The following FNDC1 variants were observed in gnomAD, a reference collection of about 807,000 sequenced individuals.
The protein encoded by FNDC1 is fibronectin type III domain containing 1.
In FNDC1, 96 loss-of-function variants were observed where a neutral mutation model predicts 168.0. The observed-to-expected ratio is 0.57, with a 90% CI of 0.48 to 0.68. The LOEUF is 0.68. Among genes scored for constraint, FNDC1 ranks in the 30% least tolerant of loss-of-function variants. FNDC1 has a pLI of 0.00. For missense variants in FNDC1, 2,587 were observed against 2,482.1 expected (o/e 1.04, Z -0.90); for synonymous variants, 1,099 against 1,025.9 (o/e 1.07, Z -1.36).
At chr6:159,212,039 G>A (rs370111777) in intron 4 of FNDC1, among the ~76,000 whole-genome samples, 8 of 152,192 alleles carry the variant, frequency 5.3e-5, no homozygotes, top group African/African-American at 1.7e-4. Context: ...GCACAAATCC[G>A]GAGAAATACT....
intron 5 of FNDC1, among the ~76,000 whole-genome samples, chr6:159,220,706 G>A (rs427072): frequency 0.46 from 70,340 of 152,084 alleles, 17,801 homozygotes; most frequent in African/African-American, 0.66. Context: ...TTTTCTTCAA[G>A]TGCAATGGCC....
In FNDC1 at chr6:159,197,679, C is replaced by T; in HGVS notation, c.304+54C>T. The T allele has an allele frequency of 2.0e-6, 3 of 1,485,254 alleles. No homozygotes were observed. In the Middle Eastern group the frequency reaches 6.5e-4, roughly 323 times the overall value. The allele number at this position is 1,485,254 out of a possible 1,614,324, so 92.0% of individuals were successfully genotyped here. Reference sequence around the variant, plus strand: ...TCAGAATTAACTGTGCACCAACATTCTCAGTTGCATTCTTAGGATGACTGT... The same window carrying T: ...TCAGAATTAACTGTGCACCAACATTTTCAGTTGCATTCTTAGGATGACTGT... On this transcript the variant is annotated intron_variant, in intron 2 of 22. Coordinates refer to ENST00000297267, the MANE Select transcript of FNDC1 (RefSeq NM_032532.3).
intron 2 of FNDC1, among the ~76,000 whole-genome samples, chr6:159,199,665 T>C (rs1265358030): frequency 6.6e-6 from 1 of 152,198 alleles, no homozygotes; most frequent in African/African-American, 2.4e-5. Context: ...GGACAAGGAG[T>C]TCCTGTTTCC....
At chr6:159,234,568 C>T in intron 11 of FNDC1, 89 bp downstream of exon 11, 1 of 1,193,638 alleles carries the variant, frequency 8.4e-7, no homozygotes, top group Non-Finnish European at 1.2e-6. Flanking sequence ...TTGCATTTAG[C>T]ACCTACTATG....
At position 159,256,545 on chromosome 6, in the gene FNDC1, C is replaced by A; in HGVS notation, c.5088C>A (p.Ser1696=). 6.2e-7 allele frequency: 1 copy of A among 1,613,594 alleles called. No individual in the cohort carries two copies. The highest frequency in any genetic ancestry group is 8.5e-7 in the Non-Finnish European group (1 of 1,179,610). ...CAGGTTACTTGGTTTACAGTGCATC[C>A]TATGAAGACTTCATCAGGAACAAGT... ...VVTGYLVYSA[S]YEDFIRNKWS... The change falls in exon 18 of 23, where the codon TCC becomes TCA. Residue 1696 remains serine (S), a synonymous_variant. Transcript: ENST00000297267.
chr6:159,189,071 G>T (rs545972281), intron 1 of FNDC1, among the ~76,000 whole-genome samples: 47 of 152,268 alleles, frequency 3.1e-4, no homozygotes, highest in Non-Finnish European at 5.1e-4. Flanking sequence ...TTTCATAGAA[G>T]ATCTTGATTA....
chr6:159,223,231 C>T (rs947501496), intron 6 of FNDC1, among the ~76,000 whole-genome samples: 2 of 152,152 alleles, frequency 1.3e-5, no homozygotes, highest in Middle Eastern at 3.4e-3. Context: ...CTCCTGACCT[C>T]GTGATCTGCC....
chr6:159,246,772 C>A (rs190048856), intron 14 of FNDC1, 129 bp from the exon 15 acceptor site: 4 of 647,490 alleles, frequency 6.2e-6, no homozygotes, highest in East Asian at 5.2e-5. Context: ...ATTATGGAGA[C>A]CCTGGCCTTG....
intron 1 of FNDC1, among the ~76,000 whole-genome samples, chr6:159,183,844 T>C (rs1781935258): frequency 6.6e-6 from 1 of 152,214 alleles, no homozygotes; most frequent in Non-Finnish European, 1.5e-5. Flanking sequence ...CAGCATGAAA[T>C]CTTGCGTTCA....
In FNDC1 at chr6:159,225,764, T is replaced by C. The variant is rs779340463; in HGVS notation, c.1072+42T>C. 2.0e-6 allele frequency: 3 copies of C among 1,500,036 alleles called. No individual in the cohort carries two copies. The South Asian group carries it at 3.9e-5, about 19-fold the overall frequency. The allele number at this position is 1,500,036 out of a possible 1,614,324, so 92.9% of individuals were successfully genotyped here. On this transcript the variant is annotated intron_variant, in intron 8 of 22. Coordinates refer to ENST00000297267, the MANE Select transcript of FNDC1 (RefSeq NM_032532.3). The stretch of plus-strand genomic sequence containing the variant: ...GCCTTTGAATTTTCAATTTGGGAAT[T>C]ACACCCAAAATAAGATTTAAAGACA...
rs769951961 is a variant in FNDC1, at chr6:159,232,123, G to C, written c.1611G>C (p.Ser537=). Residue 537 remains serine, a synonymous_variant, in exon 11 of 23, where the codon TCG becomes TCC. Coordinates refer to ENST00000297267, the MANE Select transcript of FNDC1 (RefSeq NM_032532.3). This position sits in a 1 kb window ranked among gnomAD's most constrained non-coding sequence, Gnocchi z 4.9. The part of the protein sequence containing the change: ...AKKAEELDLQ[S]TEITGEEELG... ...AGGCAGAGGAGCTGGATCTTCAGTC[G>C]ACAGAAATCACTGGGGAGGAGGAGC... 3.1e-6 allele frequency: 5 copies of C among 1,613,764 alleles called. No individual in the cohort carries two copies. In the Admixed American group the frequency reaches 8.3e-5, roughly 27 times the overall value.
At chr6:159,241,183 T>A (rs1783412721) in intron 14 of FNDC1, 1 of 152,260 alleles carries the variant, frequency 6.6e-6, no homozygotes, top group Admixed American at 6.5e-5. Context: ...AATTTACCTT[T>A]GAATTTCTAG....
chr6:159,256,451 C>A, intron 17 of FNDC1, 72 bp from the exon 18 acceptor site: 1 of 1,134,122 alleles, frequency 8.8e-7, no homozygotes, highest in Non-Finnish European at 1.3e-6. Flanking sequence ...CACACCTGTC[C>A]TCAGTGGGTT....
chr6:159,233,673 A>G lies in FNDC1; in HGVS notation c.3161A>G (p.Asp1054Gly), dbSNP rs1783163669. 5.2e-6 allele frequency: 8 copies of G among 1,549,738 alleles called. No individual in the cohort carries two copies. The highest frequency in any genetic ancestry group is 7.0e-6 in the Non-Finnish European group (8 of 1,147,732). Residue 1054 changes from aspartate (D) to glycine (G), a missense_variant, in exon 11 of 23, where the codon GAC becomes GGC. Physicochemically the swap from Asp to Gly is moderately conservative, Grantham distance 94. Coordinates refer to ENST00000297267, the MANE Select transcript of FNDC1 (RefSeq NM_032532.3). The surrounding 1 kb of genome is among the most constrained non-coding windows in gnomAD (Gnocchi z 4.6). Reference sequence around the variant, plus strand: ...CAGGGCCGCTCCCACTCCTCCTCGGACCCTTACACGGCGAGCTCCAGAGGG... The same window carrying G: ...CAGGGCCGCTCCCACTCCTCCTCGGGCCCTTACACGGCGAGCTCCAGAGGG... Reference protein sequence around the residue: ...TSQGRSHSSSDPYTASSRGML... With the variant: ...TSQGRSHSSSGPYTASSRGML...
chr6:159,225,395 CA>C (rs1782931215), intron 7 of FNDC1, 139 bp from the exon 8 acceptor site: 1 of 666,082 alleles, frequency 1.5e-6, no homozygotes, highest in African/African-American at 1.8e-5. Context: ...ATAACATAGT[CA>C]AAAGTTTAGA....
At chr6:159,254,867 A>G (rs1404802900) in intron 17 of FNDC1, among the ~76,000 whole-genome samples, 2 of 151,890 alleles carry the variant, frequency 1.3e-5, no homozygotes, top group African/African-American at 2.4e-5. Flanking sequence ...GTCTCCTTCT[A>G]TCTCACTTCT....
chr6:159,263,592 C>T (rs1342312273), intron 19 of FNDC1, among the ~76,000 whole-genome samples: 1 of 152,012 alleles, frequency 6.6e-6, no homozygotes, highest in Non-Finnish European at 1.5e-5. Flanking sequence ...GAAATCCTGT[C>T]TGTACTAAAA....
At chr6:159,248,339 C>T (rs1777180538) in intron 15 of FNDC1, among the ~76,000 whole-genome samples, 1 of 151,626 alleles carries the variant, frequency 6.6e-6, no homozygotes, top group Admixed American at 6.6e-5. Flanking sequence ...TGGAGTCTCG[C>T]TCTGTCTCCA....
At chr6:159,263,050 C>T (rs553068) in intron 19 of FNDC1, among the ~76,000 whole-genome samples, 96,733 of 152,178 alleles carry the variant, frequency 0.64, 32,235 homozygotes, top group Middle Eastern at 0.75. Context: ...AGAAAGTCAA[C>T]GTAGTGTGTG....
Sources: gnomAD v4.1 joint callset for allele counts (sites outside exome capture counted in the v4.1 genomes callset) on GRCh38, gnomAD v4.1.1 for gene constraint, Gnocchi (gnomAD v3.1) non-coding constraint, MANE v1.5 for transcripts, NCBI Gene and HGNC (gene_info 2026-07-23, HGNC 2026-07-21) for gene names.